Variants in OIT3 observed in about 807,000 individuals in gnomAD.
OIT3 encodes the protein oncoprotein induced transcript 3.
OIT3 carries 41 observed loss-of-function variants against 52.2 expected under a neutral mutation model. The ratio of observed to expected loss-of-function variants is 0.79; its 90% CI spans 0.61 to 1.02. OIT3 has a LOEUF of 1.02. Among genes scored for constraint, OIT3 ranks in the 50% least tolerant of loss-of-function variants. The probability of loss-of-function intolerance (pLI) is 0.00; values close to 1 mark genes in which losing one functional copy is unlikely to be tolerated. For synonymous variants in OIT3, 244 were observed against 276.9 expected (o/e 0.88, Z 1.18); for missense variants, 634 against 715.5 (o/e 0.89, Z 1.30).
chr10:72,924,526 T>C lies in OIT3; in HGVS notation c.1249T>C (p.Tyr417His). ...LPTLKLRDSL[Y>H]FGIEPVVHVS... ...CACCCTCAAGCTTCGTGACTCCCTCTACTTTGGCATTGAGCCCGTGGTGCA... is the reference window on the plus strand; with the variant it reads ...CACCCTCAAGCTTCGTGACTCCCTCCACTTTGGCATTGAGCCCGTGGTGCA... Residue 417 changes from tyrosine to histidine, a missense_variant, in exon 7 of 9, where the codon TAC becomes CAC. By Grantham distance (83) the Tyr-to-His change is moderately conservative. Coordinates refer to ENST00000334011, the MANE Select transcript of OIT3 (RefSeq NM_152635.3). 6.2e-7 allele frequency: 1 copy of C among 1,614,184 alleles called. No homozygotes were observed.
intron 6 of OIT3, among the ~76,000 whole-genome samples, chr10:72,923,100 C>A (rs967483333): frequency 2.0e-5 from 3 of 152,170 alleles, no homozygotes; most frequent in Non-Finnish European, 4.4e-5. Flanking sequence ...TGGTCTCTAA[C>A]CCCTGACTTC....
At position 72,932,591 on chromosome 10, in the gene OIT3, CCTCT is replaced by C. The variant is rs1268052924; in HGVS notation, c.*68_*71del. ...TCTTTGGAGCTTCTCCCCCCACCGC[CCTCT>C]AAGAACATCTGCCAACAGCTGGGTT... is the stretch of plus-strand genomic sequence containing the variant. On this transcript the variant is annotated 3_prime_UTR_variant, in exon 9 of 9. Coordinates refer to ENST00000334011, the MANE Select transcript of OIT3 (RefSeq NM_152635.3). The C allele has an allele frequency of 5.7e-6, 8 of 1,410,654 alleles. No homozygotes were observed. In the South Asian group the frequency reaches 9.7e-5, roughly 17 times the overall value. 87.4% of individuals were successfully genotyped at this position (1,410,654 alleles called of 1,614,324 possible). A position where few individuals can be genotyped will look rare whatever the true frequency, so the allele number is the denominator to read the frequency against.
At chr10:72,898,205 T>C (rs1426600558) in intron 1 of OIT3, among the ~76,000 whole-genome samples, 1 of 151,942 alleles carries the variant, frequency 6.6e-6, no homozygotes, top group Non-Finnish European at 1.5e-5. Context: ...GAGGATCACT[T>C]GAGCCCAGGA....
At chr10:72,918,527 T>G in intron 6 of OIT3, 1 of 1,418,750 alleles carries the variant, frequency 7.0e-7, no homozygotes, top group Non-Finnish European at 9.8e-7. Flanking sequence ...GTCCATCGAA[T>G]CTTCCATCGG....
At chr10:72,929,218 A>AT (rs1846194042) in intron 7 of OIT3, among the ~76,000 whole-genome samples, 1 of 151,130 alleles carries the variant, frequency 6.6e-6, no homozygotes, top group Non-Finnish European at 1.5e-5. Context: ...ACAAAAAAAA[A>AT]GAAGAAAAGA....
chr10:72,916,102 C>G (rs1178527527), intron 6 of OIT3, among the ~76,000 whole-genome samples: 1 of 152,062 alleles, frequency 6.6e-6, no homozygotes, highest in Non-Finnish European at 1.5e-5. Context: ...CGCACTCATC[C>G]CTTCCTGACC....
At chr10:72,927,063 A>T (rs1260914555) in intron 7 of OIT3, among the ~76,000 whole-genome samples, 1 of 152,226 alleles carries the variant, frequency 6.6e-6, no homozygotes, top group Non-Finnish European at 1.5e-5. Context: ...CGTAACCTAC[A>T]ATCTTAGTAG....
rs149951692 is a variant in OIT3, at chr10:72,900,151, T to C, written c.437-226T>C. On this transcript the variant is annotated intron_variant, in intron 2 of 8. Coordinates refer to ENST00000334011, the MANE Select transcript of OIT3 (RefSeq NM_152635.3). ...AAACTCATCCCCCAGGCTGCACTTA[T>C]GAGGCTCTCTCAAGAAGAGGGTCAG... Among the ~76,000 whole-genome samples the C allele has an allele frequency of 9.9e-4, 150 of 152,220 alleles. 1 individual carries two copies. Among genetic ancestry groups the C allele is most frequent in the African/African-American group, 3.5e-3 (146 of 41,546 alleles).
chr10:72,916,320 C>A (rs533964160), intron 6 of OIT3, among the ~76,000 whole-genome samples: 89 of 152,254 alleles, frequency 5.8e-4, no homozygotes, highest in African/African-American at 1.9e-3. Flanking sequence ...TTCTCTCCCC[C>A]CTCCTACCTT....
intron 6 of OIT3, among the ~76,000 whole-genome samples, chr10:72,917,445 G>C (rs1846083413): frequency 6.6e-6 from 1 of 152,070 alleles, no homozygotes; most frequent in Non-Finnish European, 1.5e-5. Flanking sequence ...AAAGCAAAGG[G>C]TGGAGTTCCA....
At chr10:72,925,654 C>T (rs1197716315) in intron 7 of OIT3, among the ~76,000 whole-genome samples, 1 of 152,042 alleles carries the variant, frequency 6.6e-6, no homozygotes, top group African/African-American at 2.4e-5. Context: ...GCTCTGTCAC[C>T]CAGGCTGGAG....
chr10:72,898,635 G>A, intron 1 of OIT3, 29 bp from the exon 2 acceptor site: 1 of 1,576,764 alleles, frequency 6.3e-7, no homozygotes, highest in African/African-American at 1.3e-5. Context: ...AACACTCCAG[G>A]TACTCTGAGG....
chr10:72,924,274 C>T lies in OIT3; in HGVS notation c.997C>T (p.Pro333Ser). ...IVASNLVTGL[P>S]KQTPGSSGDF... ...GGCCAGCAACCTCGTGACAGGTCTA[C>T]CCAAGCAGACCCCGGGGAGCAGCGG... Residue 333 changes from proline to serine, a missense_variant, in exon 7 of 9, where the codon CCC becomes TCC. Transcript: ENST00000334011. 2 of 1,612,576 alleles carry T rather than the reference C, an allele frequency of 1.2e-6. No individual in the cohort carries two copies. The highest frequency in any genetic ancestry group is 1.7e-6 in the Non-Finnish European group (2 of 1,179,100).
chr10:72,899,476 C>T (rs1276187848), intron 2 of OIT3, among the ~76,000 whole-genome samples: 1 of 151,554 alleles, frequency 6.6e-6, no homozygotes, highest in African/African-American at 2.4e-5. Context: ...GCAACTGTAA[C>T]CCCAGCTACC....
intron 6 of OIT3, among the ~76,000 whole-genome samples, chr10:72,922,597 T>G (rs1355327140): frequency 6.6e-6 from 1 of 152,226 alleles, no homozygotes; most frequent in East Asian, 1.9e-4. Flanking sequence ...TTCATCATGA[T>G]TTTTAGCTTC....
chr10:72,912,561 G>A (rs1016035183), intron 5 of OIT3, among the ~76,000 whole-genome samples: 5 of 152,034 alleles, frequency 3.3e-5, no homozygotes, highest in South Asian at 2.1e-4. Context: ...ATAAGCCATC[G>A]CACCTGGCCT....
intron 6 of OIT3, among the ~76,000 whole-genome samples, chr10:72,921,263 A>G (rs917488145): frequency 5.9e-5 from 9 of 152,164 alleles, no homozygotes; most frequent in African/African-American, 2.2e-4. Flanking sequence ...CCTGTTTTCC[A>G]TGTGCTTGAT....
chr10:72,909,481 GT>G (rs1846010917), intron 4 of OIT3, among the ~76,000 whole-genome samples: 2 of 151,952 alleles, frequency 1.3e-5, no homozygotes, highest in Admixed American at 1.3e-4. Context: ...TGTACCCATT[GT>G]TTAGCTCTCA....
chr10:72,900,204 G>T (rs1377406827), intron 2 of OIT3, among the ~76,000 whole-genome samples, 173 bp from the exon 3 acceptor site: 1 of 152,126 alleles, frequency 6.6e-6, no homozygotes, highest in Non-Finnish European at 1.5e-5. Context: ...TGCCTGTAGT[G>T]CCAGCTACTT....
Sources: allele counts gnomAD v4.1 joint callset (sites outside exome capture counted in the v4.1 genomes callset), GRCh38; gene constraint gnomAD v4.1.1; transcripts MANE v1.5; gene names NCBI Gene and HGNC (gene_info 2026-07-23, HGNC 2026-07-21).